SETD3: variants seen among roughly 807,000 people sequenced by gnomAD.
SETD3 encodes SET domain containing 3, actin N3(tau)-histidine methyltransferase.
A neutral mutation model predicts 63.0 loss-of-function variants in SETD3; 19 were observed. That is an observed-to-expected ratio of 0.30 (90% CI 0.21 to 0.44). SETD3 has a LOEUF of 0.44. Ranked by LOEUF, SETD3 falls within the 20% of genes least tolerant of loss-of-function variation. The pLI is 1.00. For synonymous variants in SETD3, 286 were observed against 264.1 expected (o/e 1.08, Z -0.80); for missense variants, 587 against 728.5 (o/e 0.81, Z 2.24).
intron 1 of SETD3, among the ~76,000 whole-genome samples, 170 bp downstream of exon 1, chr14:99,480,558 C>T (rs534750211): frequency 5.3e-4 from 80 of 150,888 alleles, no homozygotes; most frequent in African/African-American, 1.9e-3. Context: ...CACACCTGCC[C>T]CTTCAAGCCC....
At chr14:99,444,072 G>A (rs1893991703) in intron 6 of SETD3, among the ~76,000 whole-genome samples, 1 of 152,142 alleles carries the variant, frequency 6.6e-6, no homozygotes, top group Non-Finnish European at 1.5e-5. Flanking sequence ...AATTTAACCT[G>A]GCCAGGCTGA....
At chr14:99,425,961 T>C (rs781143620) in intron 6 of SETD3, among the ~76,000 whole-genome samples, 3 of 152,004 alleles carry the variant, frequency 2.0e-5, no homozygotes, top group Non-Finnish European at 2.9e-5. Flanking sequence ...TTTTAATTTC[T>C]AAAAAAAACA....
chr14:99,442,413 T>C (rs1028703018), intron 6 of SETD3, among the ~76,000 whole-genome samples: 6 of 152,136 alleles, frequency 3.9e-5, no homozygotes, highest in Non-Finnish European at 5.9e-5. Context: ...ACATTCAAGT[T>C]GGGAAGATAG....
chr14:99,461,217 C>T lies in SETD3; in HGVS notation c.320G>A (p.Gly107Asp). 1 of 1,614,142 alleles carries T rather than the reference C, an allele frequency of 6.2e-7. No individual in the cohort carries two copies. The highest frequency in any genetic ancestry group is 8.5e-7 in the Non-Finnish European group (1 of 1,180,034). ...EMVNFKEEGF[G>D]LRATRDIKAE... ...CTTGATATCTCTTGTTGCTCTCAAA[C>T]CAAAGCCCTCTTCTTTGAAGTTAAC... The change falls in exon 4 of 13, where the codon GGT (glycine) becomes GAT (aspartate). Residue 107 changes from glycine to aspartate, a missense_variant. By Grantham distance (94) the Gly-to-Asp change is moderately conservative (BLOSUM62 -1). Transcript: ENST00000331768.
chr14:99,478,199 AC>A (rs1351736772), intron 1 of SETD3, among the ~76,000 whole-genome samples: 1 of 152,212 alleles, frequency 6.6e-6, no homozygotes, highest in East Asian at 1.9e-4. Flanking sequence ...ATCCAAAGTA[AC>A]ATAAGAATAA....
At chr14:99,453,563 G>A (rs941471248) in intron 6 of SETD3, among the ~76,000 whole-genome samples, 2 of 152,094 alleles carry the variant, frequency 1.3e-5, no homozygotes, top group African/African-American at 4.8e-5. Context: ...GGTGGCTTAT[G>A]CCTGTAATCC....
intron 6 of SETD3, among the ~76,000 whole-genome samples, chr14:99,452,385 G>A (rs527577754): frequency 1.3e-5 from 2 of 152,304 alleles, no homozygotes; most frequent in South Asian, 2.1e-4. Context: ...GATTACAGGC[G>A]TGAGCCACTG....
chr14:99,447,441 T>A (rs1302714951), intron 6 of SETD3, among the ~76,000 whole-genome samples: 1 of 152,270 alleles, frequency 6.6e-6, no homozygotes, highest in African/African-American at 2.4e-5. Flanking sequence ...TAGCTACAGT[T>A]TTCATTTATG....
chr14:99,465,893 G>A, intron 1 of SETD3, 80 bp from the exon 2 acceptor site: 1 of 860,526 alleles, frequency 1.2e-6, no homozygotes, highest in South Asian at 1.6e-5. Context: ...TCCAACACAT[G>A]GCAGTGTCTT....
chr14:99,433,059 G>A (rs2139695303), intron 6 of SETD3, among the ~76,000 whole-genome samples: 1 of 152,150 alleles, frequency 6.6e-6, no homozygotes, highest in Non-Finnish European at 1.5e-5. Context: ...CACAAAATGT[G>A]TATCTTGTAA....
rs1360369516 is a variant in SETD3 at position 99,410,318 on chromosome 14, C to A, written c.849+2633G>T. 1.3e-6 allele frequency: 2 copies of A among 1,534,828 alleles called. 1 individual carries two copies. Among genetic ancestry groups the A allele is most frequent in the South Asian group, 2.3e-5 (2 of 87,788 alleles). On this transcript the variant is annotated intron_variant, in intron 8 of 12. Coordinates refer to ENST00000331768, the MANE Select transcript of SETD3 (RefSeq NM_032233.3). ...ACTTGTCTGCTATTGTAAAAATGGG[C>A]TTTTGAGACTGTAAGACTCATCTAA...
At chr14:99,421,314 A>G (rs932707531) in intron 6 of SETD3, among the ~76,000 whole-genome samples, 12 of 152,104 alleles carry the variant, frequency 7.9e-5, no homozygotes, top group Non-Finnish European at 1.8e-4. Flanking sequence ...CACCAGTTTC[A>G]TAATATATTG....
At chr14:99,467,519 T>C (rs1895454786) in intron 1 of SETD3, among the ~76,000 whole-genome samples, 1 of 152,220 alleles carries the variant, frequency 6.6e-6, no homozygotes, top group South Asian at 2.1e-4. Context: ...TGGAGGACCA[T>C]CGAACTTGAC....
intron 1 of SETD3, among the ~76,000 whole-genome samples, chr14:99,478,068 T>C (rs1487502375): frequency 1.3e-5 from 2 of 152,044 alleles, no homozygotes; most frequent in Non-Finnish European, 2.9e-5. Context: ...AACACTTCTA[T>C]GACTATAGCA....
chr14:99,467,291 T>A (rs1360230491), intron 1 of SETD3, among the ~76,000 whole-genome samples: 1 of 151,166 alleles, frequency 6.6e-6, no homozygotes, highest in Non-Finnish European at 1.5e-5. Context: ...ATACAAGGAA[T>A]TTTTTTTCTG....
intron 6 of SETD3, among the ~76,000 whole-genome samples, chr14:99,424,866 T>G (rs1418592052): frequency 2.0e-5 from 3 of 152,052 alleles, no homozygotes; most frequent in African/African-American, 7.2e-5. Flanking sequence ...CAACTGTGCC[T>G]TTCTCCAGGC....
At chr14:99,418,564 C>G (rs572308314) in intron 6 of SETD3, among the ~76,000 whole-genome samples, 71 of 152,190 alleles carry the variant, frequency 4.7e-4, no homozygotes, top group Non-Finnish European at 1.2e-4. Flanking sequence ...TGACAAATTC[C>G]TGGGCAGGAC....
rs1243826760 is a variant in SETD3, at chr14:99,465,743, T to C, written c.63A>G (p.Ser21=). The change falls in exon 2 of 13, where the codon TCA becomes TCG. Residue 21 remains serine, a synonymous_variant. Coordinates refer to ENST00000331768, the MANE Select transcript of SETD3 (RefSeq NM_032233.3). ...KSGTGATATV[S]PKEILNLTSE... ...TGGTCAGGTTCAAGATTTCCTTTGGTGACACAGTTGCTGTAGCACCAGTGC... is the reference window on the plus strand; with the variant it reads ...TGGTCAGGTTCAAGATTTCCTTTGGCGACACAGTTGCTGTAGCACCAGTGC... The C allele has an allele frequency of 2.5e-6, 4 of 1,614,016 alleles. No homozygotes were observed. The South Asian group carries it at 4.4e-5, about 18-fold the overall frequency.
chr14:99,484,501 T>G (rs1896435027), upstream of SETD3, among the ~76,000 whole-genome samples: 1 of 152,248 alleles, frequency 6.6e-6, no homozygotes. Context: ...AAAAATTGCT[T>G]TTACCTGTTT....
Sources: gnomAD v4.1 joint callset for allele counts (sites outside exome capture counted in the v4.1 genomes callset) on GRCh38, gnomAD v4.1.1 for gene constraint, MANE v1.5 for transcripts, NCBI Gene and HGNC (gene_info 2026-07-23, HGNC 2026-07-21) for gene names.